The following RGSL1 variants were observed in gnomAD, a reference collection of about 807,000 sequenced individuals.
The protein encoded by RGSL1 is regulator of G protein signaling protein-like.
In RGSL1, 97 loss-of-function variants were observed where a neutral mutation model predicts 124.7. The observed-to-expected ratio is 0.78, with a 90% CI of 0.66 to 0.92. The LOEUF is 0.92. Among genes scored for constraint, RGSL1 ranks in the 40% least tolerant of loss-of-function variants. RGSL1 has a pLI of 0.00. For synonymous variants in RGSL1, 424 were observed against 438.1 expected (o/e 0.97, Z 0.40); for missense variants, 1,233 against 1,288.4 (o/e 0.96, Z 0.66).
intron 7 of RGSL1, chr1:182,488,712 C>T (rs1655290216): frequency 6.7e-6 from 2 of 296,864 alleles, no homozygotes; most frequent in Non-Finnish European, 1.1e-5. Context: ...GGCGACAGAG[C>T]GAGACTCCGT....
In RGSL1 at chr1:182,519,476, AGAAAATAG is replaced by A. The variant is rs575585483; in HGVS notation, c.1826-2527_1826-2520del. Among the ~76,000 whole-genome samples the A allele has an allele frequency of 4.8e-3, 498 of 103,320 alleles. 8 individuals are homozygous for A. The highest frequency in any genetic ancestry group is 0.018 in the African/African-American group (482 of 26,654). 67.8% of individuals were successfully genotyped at this position (103,320 alleles called of 152,430 possible). ...GTTTTCATTGACATTGCTTAGTAGAAGAAAATAGTTCTTTTTTTCCCTTGTTTCTTTTT... is the reference window on the plus strand; with the variant it reads ...GTTTTCATTGACATTGCTTAGTAGAATTCTTTTTTTCCCTTGTTTCTTTTT... On this transcript the variant is annotated intron_variant, in intron 9 of 21. Transcript: ENST00000294854.
chr1:182,510,302 C>G (rs1201284410), intron 9 of RGSL1, among the ~76,000 whole-genome samples: 2 of 37,568 alleles, frequency 5.3e-5, no homozygotes, highest in South Asian at 5.7e-4. Flanking sequence ...GCTGCAATCT[C>G]GGCACTTTGG....
chr1:182,487,740 A>G lies in RGSL1; in HGVS notation c.1432-545A>G, dbSNP rs1655198094. On this transcript the variant is annotated intron_variant, in intron 6 of 21. Transcript: ENST00000294854. ...CCCAGCACTTTGTAAAGTGCCTGAC[A>G]CATAGGAGGCATTCATAAAGCATTT... Among the ~76,000 whole-genome samples, 6 of 152,234 alleles carry G rather than the reference A, an allele frequency of 3.9e-5. No individual in the cohort carries two copies. In the South Asian group the frequency reaches 1.2e-3, roughly 31 times the overall value.
Position 182,527,784 on chromosome 1 carries a change from C to CTTCTGATCCTGTT in RGSL1, c.2125+17_2125+29dup. ...CCAACTCTCTCCTGGTATGCATCCT[C>CTTCTGATCCTGTT]TTCTGATCCTGTTTTCTCTCTCTCT... On this transcript the variant is annotated intron_variant, in intron 11 of 21. Coordinates refer to ENST00000294854, the MANE Select transcript of RGSL1 (RefSeq NM_001137669.2). The CTTCTGATCCTGTT allele has an allele frequency of 1.3e-6, 2 of 1,539,022 alleles. No individual in the cohort carries two copies. Among genetic ancestry groups the CTTCTGATCCTGTT allele is most frequent in the Non-Finnish European group, 1.8e-6 (2 of 1,139,466 alleles).
At position 182,553,453 on chromosome 1, in the gene RGSL1, A is replaced by G; in HGVS notation, c.3044-2A>G. The G allele has an allele frequency of 6.4e-7, 1 of 1,551,620 alleles. No individual in the cohort carries two copies. The highest frequency in any genetic ancestry group is 8.7e-7 in the Non-Finnish European group (1 of 1,146,826). On this transcript the variant is annotated splice_acceptor_variant, in intron 18 of 21. Coordinates refer to ENST00000294854, the MANE Select transcript of RGSL1 (RefSeq NM_001137669.2). LOFTEE classifies it high-confidence loss of function. ...TTAATGCTTGTTTTTGTCCTTCCCC[A>G]GGAGACAATGCCATCTTAAGGTTCA... is the stretch of plus-strand genomic sequence containing the variant.
chr1:182,501,187 G>A (rs1436074077), intron 9 of RGSL1, among the ~76,000 whole-genome samples: 1 of 151,408 alleles, frequency 6.6e-6, no homozygotes, highest in Non-Finnish European at 1.5e-5. Context: ...TAATTTTTAT[G>A]ATGAAAGAAT....
At chr1:182,506,871 A>C (rs977671151) in intron 9 of RGSL1, among the ~76,000 whole-genome samples, 1 of 152,130 alleles carries the variant, frequency 6.6e-6, no homozygotes, top group African/African-American at 2.4e-5. Context: ...CATCACCCTA[A>C]ATATTTGTTT....
intron 9 of RGSL1, among the ~76,000 whole-genome samples, chr1:182,515,303 A>G (rs1657780048): frequency 6.6e-6 from 1 of 152,030 alleles, no homozygotes; most frequent in African/African-American, 2.4e-5. Context: ...GCGCATTTAC[A>G]TTGTGCCTGT....
At chr1:182,512,460 C>A (rs1270844235) in intron 9 of RGSL1, among the ~76,000 whole-genome samples, 1 of 152,156 alleles carries the variant, frequency 6.6e-6, no homozygotes, top group Non-Finnish European at 1.5e-5. Flanking sequence ...CTCATCTGTT[C>A]GGCTGCTGCA....
At chr1:182,456,390 G>A (rs940649792) in intron 2 of RGSL1, among the ~76,000 whole-genome samples, 3 of 151,424 alleles carry the variant, frequency 2.0e-5, no homozygotes, top group Admixed American at 1.3e-4. Context: ...TCCACCTTCT[G>A]GGTTCAAGTG....
In RGSL1 at chr1:182,515,887, C is replaced by A. The variant is rs542327162; in HGVS notation, c.1826-6117C>A. ...GATTCAGGGTCGCACCAAAGGGAAA[C>A]CACATCGTTCTGAATTGCACCTCTG... On this transcript the variant is annotated intron_variant, in intron 9 of 21. Coordinates refer to ENST00000294854, the MANE Select transcript of RGSL1 (RefSeq NM_001137669.2). 2.0e-5 allele frequency among the ~76,000 whole-genome samples: 3 copies of A among 152,316 alleles called. No individual in the cohort carries two copies. The East Asian group carries it at 5.8e-4, about 29-fold the overall frequency.
intron 18 of RGSL1, 58 bp downstream of exon 18, chr1:182,551,267 A>C (rs368849403): frequency 7.0e-7 from 1 of 1,427,090 alleles, no homozygotes; most frequent in Non-Finnish European, 9.6e-7. Context: ...TGTGAAGAGA[A>C]AGCAAGGGCC....
At chr1:182,520,180 A>C (rs78759675) in intron 9 of RGSL1, among the ~76,000 whole-genome samples, 67 of 152,288 alleles carry the variant, frequency 4.4e-4, no homozygotes, top group African/African-American at 1.6e-3. Flanking sequence ...TCTGACATAC[A>C]CTAAACTAGT....
At chr1:182,559,718 T>TC (rs1405943039) in intron 21 of RGSL1, among the ~76,000 whole-genome samples, 2 of 152,120 alleles carry the variant, frequency 1.3e-5, no homozygotes, top group Non-Finnish European at 2.9e-5. Flanking sequence ...CTTTTTCCTC[T>TC]CTCTATCTCA....
At chr1:182,490,358 T>TA (rs1487938970) in intron 8 of RGSL1, among the ~76,000 whole-genome samples, 2 of 152,248 alleles carry the variant, frequency 1.3e-5, no homozygotes, top group African/African-American at 4.8e-5. Flanking sequence ...AGAGGTAATG[T>TA]ATTTACATAG....
intron 7 of RGSL1, chr1:182,488,696 A>G: frequency 3.2e-6 from 1 of 316,266 alleles, no homozygotes. Context: ...ACTGCACTCC[A>G]GCCTGGGCGA....
At chr1:182,544,384 C>T (rs902347360) in intron 15 of RGSL1, among the ~76,000 whole-genome samples, 6 of 151,802 alleles carry the variant, frequency 4.0e-5, no homozygotes, top group African/African-American at 1.2e-4. Context: ...TTTATTTCTA[C>T]TTTTGGAAAT....
intron 6 of RGSL1, among the ~76,000 whole-genome samples, chr1:182,475,418 G>A (rs1000798172): frequency 6.6e-6 from 1 of 152,152 alleles, no homozygotes; most frequent in Admixed American, 6.5e-5. Flanking sequence ...AAATAAGAGG[G>A]ACTACTCACA....
chr1:182,512,850 ATCT>A (rs1484418258), intron 9 of RGSL1, among the ~76,000 whole-genome samples: 1 of 152,058 alleles, frequency 6.6e-6, no homozygotes, highest in Admixed American at 6.5e-5. Context: ...CCCATGGCTG[ATCT>A]TCTTTCTGAC....
Sources: gnomAD v4.1 joint callset for allele counts (sites outside exome capture counted in the v4.1 genomes callset) on GRCh38, gnomAD v4.1.1 for gene constraint, MANE v1.5 for transcripts, NCBI Gene and HGNC (gene_info 2026-07-23, HGNC 2026-07-21) for gene names.